The following CSF1 variants were observed in gnomAD, a reference collection of about 807,000 sequenced individuals.
CSF1 encodes macrophage colony-stimulating factor 1.
Under a neutral mutation model 48.9 loss-of-function variants are expected in CSF1, and 9 were observed. The ratio of observed to expected loss-of-function variants is 0.18; its 90% CI spans 0.11 to 0.32. The LOEUF (loss-of-function observed/expected upper bound fraction) is 0.32, where lower values mean the gene tolerates loss of function less well. Ranked by LOEUF, CSF1 falls within the 10% of genes least tolerant of loss-of-function variation. The pLI is 1.00. For synonymous variants in CSF1, 305 were observed against 284.1 expected, an observed-to-expected ratio of 1.07 and a Z score of -0.74; for missense variants, 672 against 697.9, an observed-to-expected ratio of 0.96 and a Z score of 0.42.
In CSF1 at chr1:109,911,074, C is replaced by A; in HGVS notation, c.39+12C>A. ...GCTGCCCTCCCACGGTAAGCGACGG[C>A]CGCGGCGCTGGGCCCGGGACGGGCT... is the stretch of plus-strand genomic sequence containing the variant. On this transcript the variant is annotated intron_variant, in intron 1 of 8. Coordinates refer to ENST00000329608, the MANE Select transcript of CSF1 (RefSeq NM_000757.6). 1 of 1,073,970 alleles carries A rather than the reference C, an allele frequency of 9.3e-7. No homozygotes were observed. The highest frequency in any genetic ancestry group is 1.1e-6 in the Non-Finnish European group (1 of 889,320). The allele number at this position is 1,073,970 out of a possible 1,614,324, so 66.5% of individuals were successfully genotyped here. A position where few individuals can be genotyped will look rare whatever the true frequency, so the allele number is the denominator to read the frequency against.
At chr1:109,915,559 C>T in intron 2 of CSF1, 75 bp from the exon 3 acceptor site, 1 of 1,271,520 alleles carries the variant, frequency 7.9e-7, no homozygotes, top group Non-Finnish European at 1.2e-6. Flanking sequence ...AGCTAAGGTC[C>T]CCGTTTTGAA....
Position 109,918,592 on chromosome 1 carries a change from C to T in CSF1, c.396+1129C>T, listed in dbSNP as rs967692425. On this transcript the variant is annotated intron_variant, in intron 4 of 8. Transcript: ENST00000329608. ...GGGGCAGAATCAACAAGACTTGGTACGTGCAGTGGATGTGAGAAGCTGAGG... is the reference window on the plus strand; with the variant it reads ...GGGGCAGAATCAACAAGACTTGGTATGTGCAGTGGATGTGAGAAGCTGAGG... 7.2e-5 allele frequency among the ~76,000 whole-genome samples: 11 copies of T among 152,130 alleles called. No homozygotes were observed. In the East Asian group the frequency reaches 7.7e-4, roughly 11 times the overall value.
rs552618213 is a variant in CSF1 at position 109,920,861 on chromosome 1, A to G, written c.397-986A>G. 1.7e-4 allele frequency among the ~76,000 whole-genome samples: 26 copies of G among 152,214 alleles called. 1 individual carries two copies. Among genetic ancestry groups the G allele is most frequent in the Admixed American group, 1.3e-3 (20 of 15,298 alleles). ...AACCCTGAGGGATGGCAGCATTTGG[A>G]TATCAGGAGGAGAAGGGGAGCTTGG... On this transcript the variant is annotated intron_variant, in intron 4 of 8. Coordinates refer to ENST00000329608, the MANE Select transcript of CSF1 (RefSeq NM_000757.6).
Position 109,923,543 on chromosome 1 carries a change from G to C in CSF1, c.922G>C (p.Ala308Pro), listed in dbSNP as rs760103079. 9.3e-6 allele frequency: 15 copies of C among 1,614,188 alleles called. No individual in the cohort carries two copies. In the South Asian group the frequency reaches 1.1e-4, roughly 12 times the overall value. ...AMGTNWVPEE[A>P]SGEASEIPVP... is the part of the protein sequence containing the mutation. ...GGGCACTAATTGGGTCCCAGAAGAA[G>C]CCTCTGGAGAGGCCAGTGAGATTCC... is the stretch of plus-strand genomic sequence containing the variant. Residue 308 changes from alanine to proline, a missense_variant, in exon 6 of 9, where the codon GCC becomes CCC. Transcript: ENST00000329608.
Position 109,915,675 on chromosome 1 carries a change from G to T in CSF1, c.204G>T (p.Glu68Asp). ...QMETSCQITFEFVDQEQLKDP... is the reference protein window; with the variant it reads ...QMETSCQITFDFVDQEQLKDP... Reference sequence around the variant, plus strand: ...AGACCTCGTGCCAAATTACATTTGAGTTTGTAGACCAGGAACAGTTGGTGA... The same window carrying T: ...AGACCTCGTGCCAAATTACATTTGATTTTGTAGACCAGGAACAGTTGGTGA... The change falls in exon 3 of 9, where the codon GAG becomes GAT. Residue 68 changes from glutamate (E) to aspartate (D), a missense_variant. Physicochemically the swap from Glu to Asp is conservative, Grantham distance 45. This residue lies in a region of CSF1 where 28 missense variants were observed against 58.8 expected (regional missense o/e 0.48). Coordinates refer to ENST00000329608, the MANE Select transcript of CSF1 (RefSeq NM_000757.6). The T allele has an allele frequency of 6.2e-7, 1 of 1,613,980 alleles. No individual in the cohort carries two copies. Among genetic ancestry groups the T allele is most frequent in the African/African-American group, 1.3e-5 (1 of 75,062 alleles).
chr1:109,923,491 G>A lies in CSF1; in HGVS notation c.870G>A (p.Gly290=), dbSNP rs113094334. ...CCTCTGTCGGGGCCTTCAACCCCGGGATGGAGGATATTCTTGACTCTGCAA... is the reference window on the plus strand; with the variant it reads ...CCTCTGTCGGGGCCTTCAACCCCGGAATGGAGGATATTCTTGACTCTGCAA... ...PRPSVGAFNP[G]MEDILDSAMG... Residue 290 remains glycine, a synonymous_variant, in exon 6 of 9, where the codon GGG becomes GGA. Transcript: ENST00000329608. 6.3e-5 allele frequency: 101 copies of A among 1,614,140 alleles called. 1 individual carries two copies. In the Middle Eastern group the frequency reaches 1.3e-3, roughly 21 times the overall value.
chr1:109,925,677 C>G (rs1435084544), intron 8 of CSF1, among the ~76,000 whole-genome samples: 1 of 152,148 alleles, frequency 6.6e-6, no homozygotes, highest in Non-Finnish European at 1.5e-5. Context: ...GTCAGTTCTG[C>G]TTCCTTGCTT....
At chr1:109,925,327 C>A in intron 8 of CSF1, 125 bp downstream of exon 8, 1 of 786,304 alleles carries the variant, frequency 1.3e-6, no homozygotes, top group South Asian at 1.5e-5. Flanking sequence ...CTCTCCAGTT[C>A]CCTTTCCATA....
Position 109,922,347 on chromosome 1 carries a change from G to A in CSF1, c.544+353G>A, listed in dbSNP as rs538412134. 152 of 199,222 alleles carry A rather than the reference G, an allele frequency of 7.6e-4. 1 individual carries two copies. Among genetic ancestry groups the A allele is most frequent in the African/African-American group, 3.3e-3 (142 of 43,634 alleles). The allele number at this position is 199,222 out of a possible 1,614,324, so 12.3% of individuals were successfully genotyped here. A position where few individuals can be genotyped will look rare whatever the true frequency, so the allele number is the denominator to read the frequency against. ...CACTGGCTCTGCAGGCTGGCTGAAC[G>A]TGTGGGGGGTTCTGTGGAGACAGCT... On this transcript the variant is annotated intron_variant, in intron 5 of 8. Transcript: ENST00000329608.
intron 4 of CSF1, among the ~76,000 whole-genome samples, chr1:109,918,401 A>G (rs1272310575): frequency 1.3e-5 from 2 of 152,194 alleles, no homozygotes; most frequent in Non-Finnish European, 1.5e-5. Context: ...ATCTCAGGTT[A>G]TAAGACTGAC....
intron 4 of CSF1, 122 bp downstream of exon 4, chr1:109,917,585 TCATTTATTTGTCATCC>T: frequency 9.9e-7 from 1 of 1,012,022 alleles, no homozygotes; most frequent in South Asian, 1.5e-5. Flanking sequence ...TTGCTCACTC[TCATTTATTTGTCATCC>T]CACCAACCTT....
At chr1:109,923,041 C>T in intron 5 of CSF1, 125 bp from the exon 6 acceptor site, 2 of 911,268 alleles carry the variant, frequency 2.2e-6, no homozygotes, top group Non-Finnish European at 3.3e-6. Context: ...CAGGGCTGAG[C>T]TAGGAGATGA....
At chr1:109,916,121 G>T (rs985999796) in intron 3 of CSF1, among the ~76,000 whole-genome samples, 4 of 152,056 alleles carry the variant, frequency 2.6e-5, no homozygotes, top group Non-Finnish European at 1.5e-5. Flanking sequence ...TCTTCACCAG[G>T]CCAACCAGCA....
intron 8 of CSF1, among the ~76,000 whole-genome samples, chr1:109,927,028 T>C (rs551343302): frequency 1.3e-3 from 205 of 152,342 alleles, no homozygotes; most frequent in African/African-American, 4.8e-3. Context: ...TGACTGACTC[T>C]GACTGACTGG....
At chr1:109,921,798 A>G (rs748579696) in intron 4 of CSF1, 49 bp from the exon 5 acceptor site, 2 of 1,488,854 alleles carry the variant, frequency 1.3e-6, no homozygotes, top group Non-Finnish European at 1.8e-6. Flanking sequence ...AGATGGAGAC[A>G]TGGGGCCAAT....
At chr1:109,921,704 C>A in intron 4 of CSF1, 143 bp from the exon 5 acceptor site, 1 of 1,047,344 alleles carries the variant, frequency 9.5e-7, no homozygotes, top group Non-Finnish European at 1.4e-6. Context: ...ACTCATTCTG[C>A]TGCAAACCAG....
chr1:109,917,525 T>C, intron 4 of CSF1, 62 bp downstream of exon 4: 1 of 1,514,408 alleles, frequency 6.6e-7, no homozygotes, highest in Non-Finnish European at 9.1e-7. Flanking sequence ...GAGGCGCCGC[T>C]CTATCCACAG....
chr1:109,924,460 C>T (rs761119749), intron 6 of CSF1, among the ~76,000 whole-genome samples: 72 of 152,004 alleles, frequency 4.7e-4, no homozygotes, highest in Non-Finnish European at 5.7e-4. Flanking sequence ...GATATCCAGA[C>T]GGGCAGGGAG....
chr1:109,921,948 T>A lies in CSF1; in HGVS notation c.498T>A (p.Ile166=), dbSNP rs766913690. The change falls in exon 5 of 9, where the codon ATT becomes ATA. Residue 166 remains isoleucine, a synonymous_variant. Transcript: ENST00000329608. ...TKNLLDKDWN[I]FSKNCNNSFA... Reference sequence around the variant, plus strand: ...ATCTCCTTGACAAGGACTGGAATATTTTCAGCAAGAACTGCAACAACAGCT... The same window carrying A: ...ATCTCCTTGACAAGGACTGGAATATATTCAGCAAGAACTGCAACAACAGCT... The A allele has an allele frequency of 1.3e-5, 21 of 1,610,702 alleles. No homozygotes were observed. In the Admixed American group the frequency reaches 3.0e-4, roughly 23 times the overall value.
Sources: gnomAD v4.1 joint callset for allele counts (sites outside exome capture counted in the v4.1 genomes callset) on GRCh38, gnomAD v4.1.1 for gene constraint, gnomAD v4.1.1 regional missense constraint, MANE v1.5 for transcripts, NCBI Gene and HGNC (gene_info 2026-07-23, HGNC 2026-07-21) for gene names.